USP43: variants seen among roughly 807,000 people sequenced by gnomAD.
The protein encoded by USP43 is ubiquitin specific peptidase 43.
A neutral mutation model predicts 90.7 loss-of-function variants in USP43; 33 were observed. That is an observed-to-expected ratio of 0.36 (90% CI 0.28 to 0.49). The LOEUF (loss-of-function observed/expected upper bound fraction) is 0.49, where lower values mean the gene tolerates loss of function less well. Among genes scored for constraint, USP43 ranks in the 20% least tolerant of loss-of-function variants. The pLI is 0.98. For synonymous variants in USP43, 598 were observed against 615.8 expected (o/e 0.97, Z 0.43); for missense variants, 1,274 against 1,476.4 (o/e 0.86, Z 2.25).
intron 8 of USP43, among the ~76,000 whole-genome samples, chr17:9,691,408 G>A (rs1423286559): frequency 5.9e-5 from 9 of 152,030 alleles, no homozygotes; most frequent in African/African-American, 9.7e-5. Context: ...GTGAGCCACC[G>A]CGCTGGGCTG....
At chr17:9,715,448 G>T (rs1421181195) in intron 14 of USP43, among the ~76,000 whole-genome samples, 1 of 152,062 alleles carries the variant, frequency 6.6e-6, no homozygotes, top group East Asian at 1.9e-4. Context: ...GTGAGACCTT[G>T]TCTCAAAAAA....
chr17:9,679,147 A>T (rs1187952789), intron 5 of USP43, among the ~76,000 whole-genome samples: 1 of 152,100 alleles, frequency 6.6e-6, no homozygotes, highest in Non-Finnish European at 1.5e-5. Context: ...TTCTTCCTAC[A>T]ACTCAAGTTT....
intron 1 of USP43, among the ~76,000 whole-genome samples, chr17:9,648,938 C>CCTCTCTTT (rs1458953870): frequency 7.7e-6 from 1 of 129,816 alleles, no homozygotes; most frequent in African/African-American, 3.2e-5. Flanking sequence ...TGTCTCTCTC[C>CCTCTCTTT]CTCTCTCTCT....
At chr17:9,722,526 T>G (rs780351911) in intron 14 of USP43, among the ~76,000 whole-genome samples, 1 of 152,244 alleles carries the variant, frequency 6.6e-6, no homozygotes, top group Non-Finnish European at 1.5e-5. Context: ...TCCTTATTGT[T>G]GCTGATGCGA....
At chr17:9,697,458 G>A (rs1915341189) in intron 9 of USP43, among the ~76,000 whole-genome samples, 1 of 151,916 alleles carries the variant, frequency 6.6e-6, no homozygotes, top group Admixed American at 6.6e-5. Context: ...TACTCAATAA[G>A]TAGCTTTTCA....
intron 12 of USP43, among the ~76,000 whole-genome samples, chr17:9,707,232 G>A (rs1915934526): frequency 6.6e-6 from 1 of 152,162 alleles, no homozygotes; most frequent in African/African-American, 2.4e-5. Context: ...ACGCGCACAT[G>A]TGTGTTTATG....
intron 7 of USP43, among the ~76,000 whole-genome samples, chr17:9,684,763 CAAAAAAA>C (rs34404550): frequency 3.0e-5 from 2 of 65,848 alleles, no homozygotes; most frequent in African/African-American, 5.3e-5. Flanking sequence ...AACTCCATCT[CAAAAAAA>C]AAAAAAAAAA....
Position 9,697,234 on chromosome 17 carries a change from T to C in USP43, c.1458-2938T>C, listed in dbSNP as rs867097192. On this transcript the variant is annotated intron_variant, in intron 9 of 14. Coordinates refer to ENST00000285199, the MANE Select transcript of USP43 (RefSeq NM_153210.5). Reference sequence around the variant, plus strand: ...TCTGTCTCAAAAATAAATAAATAAATAAATAAAATAAAAAAGATAAAAATT... The same window carrying C: ...TCTGTCTCAAAAATAAATAAATAAACAAATAAAATAAAAAAGATAAAAATT... Among the ~76,000 whole-genome samples, 5 of 151,944 alleles carry C rather than the reference T, an allele frequency of 3.3e-5. No individual in the cohort carries two copies. In the South Asian group the frequency reaches 1.0e-3, roughly 32 times the overall value.
chr17:9,655,150 T>C (rs914809337), intron 1 of USP43, among the ~76,000 whole-genome samples: 19 of 149,002 alleles, frequency 1.3e-4, no homozygotes, highest in African/African-American at 4.7e-4. Context: ...GTAAGGATTG[T>C]CCTGGTCCTC....
chr17:9,672,158 G>A (rs62064133), intron 3 of USP43, among the ~76,000 whole-genome samples: 9,076 of 151,964 alleles, frequency 0.06, 367 homozygotes, highest in Non-Finnish European at 0.09. Flanking sequence ...CACCACGCCC[G>A]GCTAATTTTT....
rs1281184357 is a variant in USP43, at chr17:9,691,338, G to A, written c.1354-1789G>A. 7.9e-5 allele frequency among the ~76,000 whole-genome samples: 12 copies of A among 151,668 alleles called. No individual in the cohort carries two copies. In the East Asian group the frequency reaches 9.8e-4, roughly 12 times the overall value. ...TCTCCATGTTGGTCAGGCTGATCTC[G>A]AACTCCTGACCTCAGGTGATCCATC... On this transcript the variant is annotated intron_variant, in intron 8 of 14. Transcript: ENST00000285199.
intron 14 of USP43, among the ~76,000 whole-genome samples, chr17:9,714,766 C>T (rs1218106761): frequency 1.3e-5 from 2 of 151,306 alleles, no homozygotes; most frequent in African/African-American, 4.9e-5. Context: ...GTGGAGAGGC[C>T]AAGAAAAGAA....
rs777111207 is a variant in USP43 at position 9,710,072 on chromosome 17, C to T, written c.2128C>T (p.Arg710Trp). ...GGCTTATATCCTGTTCTATCAGAAG[C>T]GGAACAGCATCCCTCCCTGGTCAGC... Reference protein sequence around the residue: ...RGAYILFYQKRNSIPPWSASS... With the variant: ...RGAYILFYQKWNSIPPWSASS... Residue 710 changes from arginine to tryptophan, a missense_variant, in exon 13 of 15, where the codon CGG becomes TGG. Physicochemically the swap from Arg to Trp is moderately radical, Grantham distance 101 (BLOSUM62 -3). This residue lies in a region of USP43 where 285 missense variants were observed against 349.6 expected (regional missense o/e 0.82). Coordinates refer to ENST00000285199, the MANE Select transcript of USP43 (RefSeq NM_153210.5). 39 of 1,555,560 alleles carry T rather than the reference C, an allele frequency of 2.5e-5. No individual in the cohort carries two copies. The highest frequency in any genetic ancestry group is 5.7e-5 in the Admixed American group (3 of 52,550).
chr17:9,681,462 T>TATATATATATA (rs1555550104), intron 6 of USP43, among the ~76,000 whole-genome samples: 1 of 18,576 alleles, frequency 5.4e-5, no homozygotes, highest in Non-Finnish European at 8.6e-5. Flanking sequence ...ATAAAATATA[T>TATATATATATA]TATATATATA....
Position 9,678,138 on chromosome 17 carries a change from C to T in USP43, c.969+1257C>T, listed in dbSNP as rs145595098. Among the ~76,000 whole-genome samples, 1,163 of 151,974 alleles carry T rather than the reference C, an allele frequency of 7.7e-3. 17 individuals carry two copies. The highest frequency in any genetic ancestry group is 0.026 in the African/African-American group (1,057 of 41,408). On this transcript the variant is annotated intron_variant, in intron 5 of 14. Coordinates refer to ENST00000285199, the MANE Select transcript of USP43 (RefSeq NM_153210.5). The stretch of plus-strand genomic sequence containing the variant: ...AAAGGGAGAAGTCTATGAGAGGGAG[C>T]GTTTGAATAATTAAGAGTGTGAAAA...
Position 9,701,462 on chromosome 17 carries a change from G to A in USP43, c.1773G>A (p.Arg591=), listed in dbSNP as rs11867337. 6.9e-4 allele frequency: 1,104 copies of A among 1,590,200 alleles called. 5 individuals are homozygous for A. In the African/African-American group the frequency reaches 0.011, roughly 15 times the overall value. The change falls in exon 12 of 15, where the codon AGG becomes AGA. Residue 591 remains arginine, a synonymous_variant. Transcript: ENST00000285199. This position sits in a 1 kb window ranked among gnomAD's most constrained non-coding sequence, Gnocchi z 7.2. ...LPDILIIHLK[R]FCQVGERRNK... ...ACATCCTCATCATCCACCTCAAAAG[G>A]TTCTGCCAGGTGGGCGAGAGAAGAA...
chr17:9,680,210 A>G, intron 5 of USP43, 21 bp from the exon 6 acceptor site: 1 of 1,609,184 alleles, frequency 6.2e-7, no homozygotes, highest in Non-Finnish European at 8.5e-7. Flanking sequence ...TCAAGAGGGA[A>G]AATGATCTTT....
Position 9,709,643 on chromosome 17 carries a change from G to A in USP43, c.2012-313G>A, listed in dbSNP as rs529535223. ...AGGCAGGAGAATCACTGGAACCCGG[G>A]GGGTGGAGGTTGCCGTGAGCCGAGA... On this transcript the variant is annotated intron_variant, in intron 12 of 14. Transcript: ENST00000285199. This position sits in a 1 kb window ranked among gnomAD's most constrained non-coding sequence, Gnocchi z 5.0. Among the ~76,000 whole-genome samples, 32 of 152,068 alleles carry A rather than the reference G, an allele frequency of 2.1e-4. No individual in the cohort carries two copies. The highest frequency in any genetic ancestry group is 3.8e-4 in the Non-Finnish European group (26 of 68,028).
At chr17:9,656,677 T>A in intron 2 of USP43, 143 bp downstream of exon 2, 1 of 1,087,872 alleles carries the variant, frequency 9.2e-7, no homozygotes, top group Non-Finnish European at 1.3e-6. Flanking sequence ...GTCTGTTCCC[T>A]GCTTCCTTCT....
Sources: allele counts gnomAD v4.1 joint callset (sites outside exome capture counted in the v4.1 genomes callset), GRCh38; gene constraint gnomAD v4.1.1; regional missense constraint gnomAD v4.1.1; non-coding constraint Gnocchi (gnomAD v3.1); transcripts MANE v1.5; gene names NCBI Gene and HGNC (gene_info 2026-07-23, HGNC 2026-07-21).